Variants in WWP2 observed in about 807,000 individuals in gnomAD.
The protein encoded by WWP2 is WW domain containing E3 ubiquitin protein ligase 2, also known as NEDD4-like E3 ubiquitin-protein ligase WWP2.
WWP2 carries 57 observed loss-of-function variants against 121.0 expected under a neutral mutation model. The ratio of observed to expected loss-of-function variants is 0.47; its 90% confidence interval spans 0.38 to 0.59. WWP2 has a LOEUF of 0.59. Among genes scored for constraint, WWP2 ranks in the 20% least tolerant of loss-of-function variants. The pLI is 0.00. For synonymous variants in WWP2, 449 were observed against 441.3 expected, an observed-to-expected ratio of 1.02 and a Z score of -0.22; for missense variants, 962 against 1,158.9, an observed-to-expected ratio of 0.83 and a Z score of 2.47.
At chr16:69,886,441 C>G (rs937235266) in intron 7 of WWP2, among the ~76,000 whole-genome samples, 1 of 151,486 alleles carries the variant, frequency 6.6e-6, no homozygotes, top group Non-Finnish European at 1.5e-5. Flanking sequence ...TAGAATCAGC[C>G]TCACATGAAG....
chr16:69,808,266 A>G (rs923898185), intron 4 of WWP2, among the ~76,000 whole-genome samples: 7 of 151,624 alleles, frequency 4.6e-5, no homozygotes, highest in East Asian at 1.9e-4. Flanking sequence ...GCATGTGTCA[A>G]TAGTCTTTTT....
At chr16:69,887,921 A>G in intron 7 of WWP2, 118 bp from the exon 8 acceptor site, 2 of 1,250,854 alleles carry the variant, frequency 1.6e-6, no homozygotes, top group South Asian at 1.5e-5. Context: ...GCTGTCGCCC[A>G]ATACATGTAG....
intron 7 of WWP2, among the ~76,000 whole-genome samples, chr16:69,874,936 C>T (rs913673679): frequency 8.6e-5 from 13 of 151,746 alleles, no homozygotes; most frequent in South Asian, 4.2e-4. Flanking sequence ...CCAGGAGGAT[C>T]GTTTGAGCCT....
chr16:69,805,747 A>G (rs2056262227), intron 4 of WWP2, among the ~76,000 whole-genome samples: 1 of 150,692 alleles, frequency 6.6e-6, no homozygotes, highest in South Asian at 2.1e-4. Context: ...AGTAGCTGGG[A>G]CTATAGGTGT....
At chr16:69,911,910 G>T (rs1040572335) in intron 9 of WWP2, among the ~76,000 whole-genome samples, 1 of 152,152 alleles carries the variant, frequency 6.6e-6, no homozygotes, top group Non-Finnish European at 1.5e-5. Context: ...GCAGGATGAG[G>T]AATCCACCAG....
intron 1 of WWP2, among the ~76,000 whole-genome samples, chr16:69,775,805 C>G (rs529016844): frequency 6.6e-6 from 1 of 152,284 alleles, no homozygotes; most frequent in South Asian, 2.1e-4. Context: ...AAAAAGAAAG[C>G]TGGACATGAT....
rs146499967 is a variant in WWP2 at position 69,793,973 on chromosome 16, C to T, written c.71-4709C>T. ...TTGCTCTGTTACCCAGGCTGGAGTG[C>T]GTTGGACAATCTCAGCTTACTGCAC... On this transcript the variant is annotated intron_variant, in intron 2 of 23. Transcript: ENST00000359154. 3.5e-3 allele frequency among the ~76,000 whole-genome samples: 433 copies of T among 123,102 alleles called. 5 individuals are homozygous for T. The highest frequency in any genetic ancestry group is 0.012 in the African/African-American group (405 of 32,788). 80.8% of individuals were successfully genotyped at this position (123,102 alleles called of 152,430 possible).
chr16:69,836,820 T>C (rs1439093225), intron 4 of WWP2, among the ~76,000 whole-genome samples: 2 of 151,702 alleles, frequency 1.3e-5, no homozygotes, highest in African/African-American at 2.4e-5. Flanking sequence ...CTCACCATGT[T>C]GCCCAGGATG....
rs2058709516 is a variant in WWP2, at chr16:69,931,399, A to G, written c.1522-110A>G. ...AAGCTAGTTTTCATTCCTAGGGCAC[A>G]TGCTATTGCCTCCTGGCCCAGCAGG... On this transcript the variant is annotated intron_variant, in intron 14 of 23. Transcript: ENST00000359154. 1.3e-5 allele frequency: 19 copies of G among 1,507,602 alleles called. No individual in the cohort carries two copies. The Middle Eastern group carries it at 5.2e-4, about 41-fold the overall frequency. The allele number at this position is 1,507,602 out of a possible 1,614,324, so 93.4% of individuals were successfully genotyped here.
intron 1 of WWP2, among the ~76,000 whole-genome samples, chr16:69,764,071 A>G (rs2038675495): frequency 6.6e-6 from 1 of 152,188 alleles, no homozygotes; most frequent in Non-Finnish European, 1.5e-5. Context: ...TCCCTATATC[A>G]CATGAAGAGA....
At chr16:69,931,449 C>G in intron 14 of WWP2, 60 bp from the exon 15 acceptor site, 2 of 1,600,972 alleles carry the variant, frequency 1.2e-6, no homozygotes, top group East Asian at 2.2e-5. Flanking sequence ...TTCATACAGA[C>G]AGGAGAACAG....
intron 2 of WWP2, among the ~76,000 whole-genome samples, chr16:69,795,026 G>A (rs2151806365): frequency 6.6e-6 from 1 of 152,226 alleles, no homozygotes; most frequent in South Asian, 2.1e-4. Flanking sequence ...TTGAGCCCAG[G>A]AGTTCGAGAT....
intron 1 of WWP2, among the ~76,000 whole-genome samples, chr16:69,764,358 G>A (rs1030236631): frequency 6.6e-6 from 1 of 152,050 alleles, no homozygotes; most frequent in Non-Finnish European, 1.5e-5. Context: ...GTGCCACCTC[G>A]CCTGGCTAAT....
At chr16:69,771,952 C>CTTTTT (rs56376857) in intron 1 of WWP2, among the ~76,000 whole-genome samples, 2 of 55,826 alleles carry the variant, frequency 3.6e-5, no homozygotes, top group African/African-American at 6.7e-5. Context: ...TCTTTTTAGT[C>CTTTTT]TTTTTTTTTT....
chr16:69,786,868 TG>T, intron 1 of WWP2, 127 bp from the exon 2 acceptor site: 1 of 702,102 alleles, frequency 1.4e-6, no homozygotes, highest in Non-Finnish European at 2.3e-6. Flanking sequence ...AACTATACCC[TG>T]GTTGCAGTTG....
intron 5 of WWP2, 44 bp from the exon 6 acceptor site, chr16:69,841,980 C>G (rs1355682736): frequency 6.4e-7 from 1 of 1,571,642 alleles, no homozygotes; most frequent in Non-Finnish European, 8.7e-7. Flanking sequence ...ACGAGTTGAG[C>G]TCCTCAATGC....
intron 7 of WWP2, among the ~76,000 whole-genome samples, chr16:69,879,727 A>C (rs1467319282): frequency 1.3e-5 from 2 of 152,174 alleles, no homozygotes; most frequent in Non-Finnish European, 2.9e-5. Flanking sequence ...TTTTGGTTGT[A>C]TACCTAGGAG....
At chr16:69,770,089 T>C (rs1338622341) in intron 1 of WWP2, among the ~76,000 whole-genome samples, 1 of 152,164 alleles carries the variant, frequency 6.6e-6, no homozygotes, top group Non-Finnish European at 1.5e-5. Flanking sequence ...CTCGAACTCC[T>C]GAGCTCAGGT....
At chr16:69,769,860 C>T (rs1231844623) in intron 1 of WWP2, among the ~76,000 whole-genome samples, 1 of 147,620 alleles carries the variant, frequency 6.8e-6, no homozygotes, top group African/African-American at 2.5e-5. Flanking sequence ...TGAAATCTCC[C>T]AAGTGATCAG....
Sources: allele counts gnomAD v4.1 joint callset (sites outside exome capture counted in the v4.1 genomes callset), GRCh38; gene constraint gnomAD v4.1.1; transcripts MANE v1.5; gene names NCBI Gene and HGNC (gene_info 2026-07-23, HGNC 2026-07-21).